Variants in FRMD3 observed in about 807,000 individuals in gnomAD.
FRMD3 encodes the protein FERM domain containing 3, also known as FERM domain-containing protein 3.
FRMD3 carries 33 observed loss-of-function variants against 70.2 expected under a neutral mutation model. The observed-to-expected ratio is 0.47, with a 90% CI of 0.36 to 0.63. The LOEUF (loss-of-function observed/expected upper bound fraction) is 0.63, where lower values mean the gene tolerates loss of function less well. FRMD3 is among the 20% of genes least tolerant of loss of function. FRMD3 has a pLI of 0.00. For synonymous variants in FRMD3, 279 were observed against 255.9 expected, an observed-to-expected ratio of 1.09 and a Z score of -0.86; for missense variants, 632 against 711.4, an observed-to-expected ratio of 0.89 and a Z score of 1.27.
chr9:83,398,404 T>A (rs1257408019), intron 1 of FRMD3, among the ~76,000 whole-genome samples: 2 of 152,184 alleles, frequency 1.3e-5, no homozygotes, highest in Admixed American at 1.3e-4. Flanking sequence ...GAGATAAATG[T>A]AAAGAAAAAC....
chr9:83,536,742 G>A (rs930821630), intron 1 of FRMD3, among the ~76,000 whole-genome samples: 2 of 152,000 alleles, frequency 1.3e-5, no homozygotes, highest in Admixed American at 6.5e-5. Flanking sequence ...CCGGCTGTCA[G>A]GTTACAAATT....
At chr9:83,309,443 A>G in intron 10 of FRMD3, 93 bp downstream of exon 10, 1 of 707,568 alleles carries the variant, frequency 1.4e-6, no homozygotes, top group African/African-American at 1.8e-5. Flanking sequence ...TTAAAACTGT[A>G]TTAAAAGAAA....
chr9:83,431,196 G>C (rs3849868), intron 1 of FRMD3, among the ~76,000 whole-genome samples: 83,547 of 152,064 alleles, frequency 0.55, 23,559 homozygotes, highest in African/African-American at 0.69. Flanking sequence ...ACATCAGCCA[G>C]TTCAGATGTA....
intron 1 of FRMD3, among the ~76,000 whole-genome samples, chr9:83,520,970 C>CAAA (rs144061788): frequency 1.2e-3 from 67 of 56,130 alleles, no homozygotes; most frequent in African/African-American, 2.1e-3. Context: ...ACTAAAAATA[C>CAAA]AAAAAAAAAA....
intron 1 of FRMD3, among the ~76,000 whole-genome samples, chr9:83,476,192 T>C (rs1828391782): frequency 6.6e-6 from 1 of 152,142 alleles, no homozygotes; most frequent in African/African-American, 2.4e-5. Context: ...GAGACCAGCC[T>C]GGCCAACATG....
At chr9:83,244,497 T>C, downstream of FRMD3, 1 of 172,106 alleles carries the variant, frequency 5.8e-6, no homozygotes, top group Non-Finnish European at 1.1e-5. Context: ...CTGGGATTTT[T>C]TTTTTTAATA....
At chr9:83,382,890 C>G (rs1410370116) in intron 2 of FRMD3, among the ~76,000 whole-genome samples, 1 of 152,144 alleles carries the variant, frequency 6.6e-6, no homozygotes, top group African/African-American at 2.4e-5. Context: ...CATCTATACA[C>G]TAAACATCTC....
At chr9:83,520,970 C>CAAAAAAAAAAAAA (rs144061788) in intron 1 of FRMD3, among the ~76,000 whole-genome samples, 11 of 56,108 alleles carry the variant, frequency 2.0e-4, no homozygotes, top group African/African-American at 3.4e-4. Context: ...ACTAAAAATA[C>CAAAAAAAAAAAAA]AAAAAAAAAA....
intron 13 of FRMD3, among the ~76,000 whole-genome samples, chr9:83,259,765 G>A (rs962485169): frequency 6.6e-6 from 1 of 152,136 alleles, no homozygotes; most frequent in Non-Finnish European, 1.5e-5. Context: ...TCTCATAGTT[G>A]TTACTAACCA....
chr9:83,529,891 C>T (rs1012329149), intron 1 of FRMD3, among the ~76,000 whole-genome samples: 8 of 152,134 alleles, frequency 5.3e-5, no homozygotes, highest in African/African-American at 1.9e-4. Context: ...TGAAAAGATG[C>T]TCAACTTTAG....
chr9:83,534,077 A>C (rs1829843049), intron 1 of FRMD3, among the ~76,000 whole-genome samples: 1 of 152,220 alleles, frequency 6.6e-6, no homozygotes, highest in Non-Finnish European at 1.5e-5. Flanking sequence ...GTCAAACCTC[A>C]TCCTCCTACA....
chr9:83,255,838 A>C (rs1832681329), intron 13 of FRMD3, among the ~76,000 whole-genome samples: 1 of 152,166 alleles, frequency 6.6e-6, no homozygotes, highest in Admixed American at 6.5e-5. Context: ...GGACCTCTTC[A>C]AGGAGAACTA....
chr9:83,406,562 C>T (rs980405320), intron 1 of FRMD3, among the ~76,000 whole-genome samples: 3 of 152,190 alleles, frequency 2.0e-5, no homozygotes, highest in Non-Finnish European at 2.9e-5. Context: ...GGAAGGATGG[C>T]TTTTTCTCTT....
At chr9:83,358,541 A>G (rs1337994408) in intron 3 of FRMD3, among the ~76,000 whole-genome samples, 1 of 152,158 alleles carries the variant, frequency 6.6e-6, no homozygotes, top group Non-Finnish European at 1.5e-5. Context: ...CATTTTCACA[A>G]TATTGATTCC....
At chr9:83,356,448 T>C (rs138334581) in intron 3 of FRMD3, among the ~76,000 whole-genome samples, 3,459 of 151,870 alleles carry the variant, frequency 0.023, 137 homozygotes, top group African/African-American at 0.079. Flanking sequence ...GCTAATTTTT[T>C]TGTATTTTTA....
intron 2 of FRMD3, among the ~76,000 whole-genome samples, chr9:83,374,594 C>T (rs988459363): frequency 6.6e-6 from 1 of 152,188 alleles, no homozygotes; most frequent in African/African-American, 2.4e-5. Context: ...CTTAATCTCT[C>T]TGTGTCTCAG....
intron 7 of FRMD3, among the ~76,000 whole-genome samples, chr9:83,312,420 T>G (rs1458142267): frequency 6.6e-6 from 1 of 152,182 alleles, no homozygotes; most frequent in East Asian, 1.9e-4. Context: ...AGTATAAAAA[T>G]ATCTCCAGAA....
intron 1 of FRMD3, among the ~76,000 whole-genome samples, chr9:83,413,634 A>T (rs1029956235): frequency 6.6e-6 from 1 of 152,194 alleles, no homozygotes; most frequent in African/African-American, 2.4e-5. Flanking sequence ...CTTGAGATTC[A>T]TGGTATTTAA....
intron 1 of FRMD3, among the ~76,000 whole-genome samples, chr9:83,402,898 CTTTT>C (rs559570925): frequency 1.8e-3 from 154 of 87,284 alleles, no homozygotes; most frequent in South Asian, 0.016. Context: ...TTCTTTCTTT[CTTTT>C]TTTTTTTTTT....
Sources: allele counts gnomAD v4.1 joint callset (sites outside exome capture counted in the v4.1 genomes callset), GRCh38; gene constraint gnomAD v4.1.1; transcripts MANE v1.5; gene names NCBI Gene and HGNC (gene_info 2026-07-23, HGNC 2026-07-21).